Variants in SLC35D4 observed in about 807,000 individuals in gnomAD.
The protein encoded by SLC35D4 is UDP-N-acetylglucosamine transporter SLC35D4.
At chr18:23,255,824 G>A in the SLC35D4 span, among the ~76,000 whole-genome samples, 1 of 151,980 alleles carries the variant, frequency 6.6e-6, no homozygotes, top group Non-Finnish European at 1.5e-5. Flanking sequence ...ACCTCCCAAA[G>A]TACTGGGATT....
the SLC35D4 span, among the ~76,000 whole-genome samples, chr18:23,271,162 T>C: frequency 2.6e-4 from 40 of 152,344 alleles, no homozygotes; most frequent in African/African-American, 9.4e-4. Flanking sequence ...CAAGATCTGA[T>C]GGTTTTATAA....
the SLC35D4 span, among the ~76,000 whole-genome samples, chr18:23,432,495 A>G: frequency 6.6e-6 from 1 of 151,964 alleles, no homozygotes; most frequent in Admixed American, 6.6e-5. Flanking sequence ...AGCCTGACCA[A>G]CATAGTGAAA....
At chr18:23,269,572 A>T in the SLC35D4 span, among the ~76,000 whole-genome samples, 2 of 152,256 alleles carry the variant, frequency 1.3e-5, no homozygotes, top group African/African-American at 4.8e-5. Context: ...CAATTTTGGA[A>T]CTGGGTAACA....
At chr18:23,293,987 G>A in the SLC35D4 span, among the ~76,000 whole-genome samples, 1 of 151,826 alleles carries the variant, frequency 6.6e-6, no homozygotes, top group Non-Finnish European at 1.5e-5. Flanking sequence ...TGTAGCGATG[G>A]AGGTTCACTG....
At chr18:23,245,394 C>T in the SLC35D4 span, among the ~76,000 whole-genome samples, 6 of 152,018 alleles carry the variant, frequency 3.9e-5, no homozygotes, top group Admixed American at 3.9e-4. Context: ...ACCTGTAGTC[C>T]CAGCTACTTG....
the SLC35D4 span, among the ~76,000 whole-genome samples, chr18:23,387,794 T>C: frequency 1.3e-5 from 2 of 152,260 alleles, no homozygotes; most frequent in African/African-American, 4.8e-5. Flanking sequence ...TTTTTTTCTT[T>C]TAAAATAGAA....
the SLC35D4 span, among the ~76,000 whole-genome samples, chr18:23,368,355 G>A: frequency 6.6e-6 from 1 of 152,300 alleles, no homozygotes; most frequent in African/African-American, 2.4e-5. Context: ...GAATGAGTTG[G>A]GAAGATGGAC....
At chr18:23,419,285 C>CT in the SLC35D4 span, among the ~76,000 whole-genome samples, 5 of 143,320 alleles carry the variant, frequency 3.5e-5, no homozygotes, top group African/African-American at 5.2e-5. Context: ...TTTAAAATTT[C>CT]TTTTTTTTCT....
the SLC35D4 span, among the ~76,000 whole-genome samples, chr18:23,431,949 T>C: frequency 3.3e-5 from 5 of 152,214 alleles, no homozygotes; most frequent in African/African-American, 1.2e-4. Flanking sequence ...TTTATATATC[T>C]ACTTTTTTCC....
chr18:23,240,160 T>A, the SLC35D4 span, among the ~76,000 whole-genome samples: 1 of 151,634 alleles, frequency 6.6e-6, no homozygotes, highest in East Asian at 1.9e-4. Flanking sequence ...GATGGAAGGG[T>A]TGGACGTGGG....
the SLC35D4 span, chr18:23,253,038 A>C: frequency 6.2e-7 from 1 of 1,613,522 alleles, no homozygotes. Flanking sequence ...GTTTCCTCAC[A>C]TTAAGCTGAC....
chr18:23,278,812 C>G, the SLC35D4 span, among the ~76,000 whole-genome samples: 3 of 151,838 alleles, frequency 2.0e-5, no homozygotes, highest in Admixed American at 6.6e-5. Context: ...TCGAGGCCAG[C>G]CTGGGCAACA....
the SLC35D4 span, among the ~76,000 whole-genome samples, chr18:23,351,275 C>T: frequency 0.11 from 17,447 of 151,898 alleles, 1,102 homozygotes; most frequent in Middle Eastern, 0.19. Flanking sequence ...GGTGTGGTGG[C>T]GCACACCTGT....
chr18:23,376,604 G>C, the SLC35D4 span, among the ~76,000 whole-genome samples: 1 of 152,230 alleles, frequency 6.6e-6, no homozygotes, highest in Non-Finnish European at 1.5e-5. Context: ...CCAGGAACAG[G>C]CAGGTTTTGT....
the SLC35D4 span, among the ~76,000 whole-genome samples, chr18:23,245,229 C>T: frequency 9.9e-5 from 15 of 152,188 alleles, no homozygotes; most frequent in South Asian, 4.2e-4. Flanking sequence ...AAGGATGGGC[C>T]GGGCGTAGTG....
chr18:23,401,530 A>T, the SLC35D4 span, among the ~76,000 whole-genome samples: 1 of 152,220 alleles, frequency 6.6e-6, no homozygotes, highest in Non-Finnish European at 1.5e-5. Flanking sequence ...TTCTTCTAGG[A>T]AGTGGCTTTT....
chr18:23,325,409 CAGGACA>C, the SLC35D4 span, among the ~76,000 whole-genome samples: 1 of 151,864 alleles, frequency 6.6e-6, no homozygotes. Context: ...AGAGGGAGGA[CAGGACA>C]AAAACCACAC....
the SLC35D4 span, among the ~76,000 whole-genome samples, chr18:23,305,528 G>A: frequency 6.6e-6 from 1 of 152,142 alleles, no homozygotes; most frequent in Admixed American, 6.5e-5. Flanking sequence ...TGGATGACTT[G>A]GAAGAGTGTT....
chr18:23,259,162 C>T, the SLC35D4 span: 1 of 152,280 alleles, frequency 6.6e-6, no homozygotes, highest in Non-Finnish European at 1.5e-5. Context: ...GCCTTCCTCA[C>T]ATGGGGTCTG....
Sources: allele counts gnomAD v4.1 joint callset (sites outside exome capture counted in the v4.1 genomes callset), GRCh38; gene constraint gnomAD v4.1.1; transcripts MANE v1.5; gene names NCBI Gene and HGNC (gene_info 2026-07-23, HGNC 2026-07-21).